Variants in IRAK3 observed in about 807,000 individuals in gnomAD.
The protein encoded by IRAK3 is interleukin-1 receptor-associated kinase 3.
Under a neutral mutation model 56.6 loss-of-function variants are expected in IRAK3, and 57 were observed. That is an observed-to-expected ratio of 1.01 (90% CI 0.81 to 1.26). The LOEUF (loss-of-function observed/expected upper bound fraction) is 1.26, where lower values mean the gene tolerates loss of function less well. Among genes scored for constraint, IRAK3 ranks in the 50% most tolerant of loss-of-function variants. The pLI, the probability that IRAK3 is intolerant of heterozygous loss-of-function variation, is 0.00. For synonymous variants in IRAK3, 258 were observed against 255.7 expected (o/e 1.01, Z -0.09); for missense variants, 703 against 719.0 (o/e 0.98, Z 0.25).
At chr12:66,204,629 T>A (rs2052539559) in intron 2 of IRAK3, among the ~76,000 whole-genome samples, 1 of 152,216 alleles carries the variant, frequency 6.6e-6, no homozygotes, top group Non-Finnish European at 1.5e-5. Context: ...TGATCTTGGG[T>A]CTTATGTTAT....
At chr12:66,226,010 C>T (rs781066489) in intron 6 of IRAK3, among the ~76,000 whole-genome samples, 20 of 152,120 alleles carry the variant, frequency 1.3e-4, no homozygotes, top group Non-Finnish European at 2.5e-4. Flanking sequence ...TTAAATAAAT[C>T]AAGCTAACAA....
chr12:66,237,652 C>T (rs2052922406), intron 8 of IRAK3, among the ~76,000 whole-genome samples: 1 of 152,198 alleles, frequency 6.6e-6, no homozygotes, highest in African/African-American at 2.4e-5. Flanking sequence ...GCCTCATTCA[C>T]CTCCTCTGCA....
intron 4 of IRAK3, 33 bp downstream of exon 4, chr12:66,210,234 T>G (rs762235488): frequency 7.6e-7 from 1 of 1,322,474 alleles, no homozygotes; most frequent in Non-Finnish European, 1.1e-6. Flanking sequence ...CCAACAATTT[T>G]TTTAAAATCA....
In IRAK3 at chr12:66,216,135, A is replaced by G. The variant is rs181835666; in HGVS notation, c.589-1036A>G. On this transcript the variant is annotated intron_variant, in intron 5 of 11. Coordinates refer to ENST00000261233, the MANE Select transcript of IRAK3 (RefSeq NM_007199.3). ...TCAAGCAACAGGGTGTTAGAGTGCT[A>G]CATTAGCATAAACAAAAAAACCGAC... Among the ~76,000 whole-genome samples, 8 of 152,258 alleles carry G rather than the reference A, an allele frequency of 5.3e-5. No homozygotes were observed. In the East Asian group the frequency reaches 1.5e-3, roughly 29 times the overall value.
chr12:66,203,945 T>C (rs1428216544), intron 2 of IRAK3, 52 bp downstream of exon 2: 1 of 1,465,086 alleles, frequency 6.8e-7, no homozygotes, highest in Admixed American at 1.7e-5. Context: ...GGAACTGTAA[T>C]TTGTAAATTC....
chr12:66,194,210 C>T (rs1001980674), intron 1 of IRAK3, among the ~76,000 whole-genome samples: 1 of 152,104 alleles, frequency 6.6e-6, no homozygotes, highest in African/African-American at 2.4e-5. Context: ...CCCAGGTAAG[C>T]CTGGTTTTTT....
intron 8 of IRAK3, chr12:66,234,611 T>C: frequency 6.2e-7 from 1 of 1,611,726 alleles, no homozygotes; most frequent in Non-Finnish European, 8.5e-7. Context: ...TCTCTTTTTC[T>C]GTCCTCCATC....
chr12:66,198,284 T>G (rs983805389), intron 1 of IRAK3: 9 of 171,714 alleles, frequency 5.2e-5, no homozygotes, highest in Non-Finnish European at 8.1e-5. Flanking sequence ...TGGCTAAGCA[T>G]GTTTCTGCAG....
intron 4 of IRAK3, among the ~76,000 whole-genome samples, 174 bp from the exon 5 acceptor site, chr12:66,211,272 A>C (rs998321392): frequency 6.6e-6 from 1 of 152,196 alleles, no homozygotes; most frequent in African/African-American, 2.4e-5. Flanking sequence ...GAATGGTGGG[A>C]ACTAGATCCA....
At chr12:66,194,343 A>G (rs1047956063) in intron 1 of IRAK3, among the ~76,000 whole-genome samples, 2 of 152,020 alleles carry the variant, frequency 1.3e-5, no homozygotes, top group Admixed American at 6.6e-5. Flanking sequence ...AGGGCTATTT[A>G]TACTCCAGGT....
intron 8 of IRAK3, among the ~76,000 whole-genome samples, chr12:66,236,578 A>AG (rs1555204895): frequency 2.0e-5 from 3 of 151,390 alleles, no homozygotes; most frequent in Non-Finnish European, 4.4e-5. Context: ...AAAAAAAAAA[A>AG]GGAAAAGAAA....
intron 5 of IRAK3, among the ~76,000 whole-genome samples, chr12:66,212,539 A>G (rs1179305413): frequency 1.3e-5 from 2 of 152,216 alleles, no homozygotes; most frequent in East Asian, 3.8e-4. Flanking sequence ...CTGAGCATGT[A>G]GAGATGAATA....
chr12:66,231,049 T>G (rs772758717), intron 8 of IRAK3, among the ~76,000 whole-genome samples: 1 of 152,198 alleles, frequency 6.6e-6, no homozygotes, highest in Non-Finnish European at 1.5e-5. Context: ...TGGTAATTCC[T>G]ATCCTGACTG....
chr12:66,214,361 C>T (rs1019876597), intron 5 of IRAK3, among the ~76,000 whole-genome samples: 21 of 150,050 alleles, frequency 1.4e-4, no homozygotes, highest in African/African-American at 5.2e-4. Context: ...CTGTCTCTAC[C>T]AAGAAATACA....
At chr12:66,207,699 A>C (rs879398971) in intron 2 of IRAK3, among the ~76,000 whole-genome samples, 10 of 152,034 alleles carry the variant, frequency 6.6e-5, no homozygotes, top group Non-Finnish European at 1.2e-4. Context: ...GCTGCATCTC[A>C]TAACTTTTGA....
At chr12:66,193,937 G>T (rs2052424386) in intron 1 of IRAK3, among the ~76,000 whole-genome samples, 1 of 152,140 alleles carries the variant, frequency 6.6e-6, no homozygotes, top group East Asian at 1.9e-4. Context: ...TGTTGCTGTT[G>T]TTGTTTTGGA....
chr12:66,230,263 A>G (rs1381716140), intron 8 of IRAK3, among the ~76,000 whole-genome samples: 1 of 152,204 alleles, frequency 6.6e-6, no homozygotes, highest in Non-Finnish European at 1.5e-5. Flanking sequence ...GTCTTCAGGT[A>G]GGTCCAGGAA....
chr12:66,235,582 C>T (rs2052899200), intron 8 of IRAK3, among the ~76,000 whole-genome samples: 1 of 151,922 alleles, frequency 6.6e-6, no homozygotes, highest in Non-Finnish European at 1.5e-5. Context: ...GCGTCGCCGA[C>T]TCTCCCGGCG....
intron 2 of IRAK3, 67 bp from the exon 3 acceptor site, chr12:66,209,389 C>A (rs914988998): frequency 2.3e-6 from 2 of 883,020 alleles, no homozygotes; most frequent in Admixed American, 1.7e-5. Context: ...TTTTCAGAGT[C>A]TCAGAAAGGA....
Sources: gnomAD v4.1 joint callset for allele counts (sites outside exome capture counted in the v4.1 genomes callset) on GRCh38, gnomAD v4.1.1 for gene constraint, MANE v1.5 for transcripts, NCBI Gene and HGNC (gene_info 2026-07-23, HGNC 2026-07-21) for gene names.